GCC2: variants seen among roughly 807,000 people sequenced by gnomAD.
GCC2 encodes the protein GRIP and coiled-coil domain containing 2.
Under a neutral mutation model 210.6 loss-of-function variants are expected in GCC2, and 120 were observed. The ratio of observed to expected loss-of-function variants is 0.57; its 90% CI spans 0.49 to 0.66. The LOEUF (loss-of-function observed/expected upper bound fraction) is 0.66. Ranked by LOEUF, GCC2 falls within the 30% of genes least tolerant of loss-of-function variation. GCC2 has a pLI of 0.00. For synonymous variants in GCC2, 703 were observed against 652.7 expected, an observed-to-expected ratio of 1.08 and a Z score of -1.17; for missense variants, 1,868 against 1,871.9, an observed-to-expected ratio of 1.00 and a Z score of 0.04.
Position 108,470,413 on chromosome 2 carries a change from A to C in GCC2, c.1084A>C (p.Lys362Gln). ...KDEVTYMNNL[K>Q]LKLEMDAQHI... ...TGAGGTAACTTATATGAATAATCTT[A>C]AGTTAAAACTTGAAATGGATGCTCA... The change falls in exon 6 of 23, where the codon AAG becomes CAG. Residue 362 changes from lysine to glutamine, a missense_variant. Lys to Gln is a moderately conservative substitution (Grantham distance 53). This residue lies in a region of GCC2 where 1,847 missense variants were observed against 1,765.2 expected (regional missense o/e 1.05). Transcript: ENST00000309863. 6.2e-7 allele frequency: 1 copy of C among 1,607,706 alleles called. No individual in the cohort carries two copies. Among genetic ancestry groups the C allele is most frequent in the Non-Finnish European group, 8.5e-7 (1 of 1,174,976 alleles).
rs1371374160 is a variant in GCC2 at position 108,449,692 on chromosome 2, G to A, written c.63+3G>A. 4 of 1,611,486 alleles carry A rather than the reference G, an allele frequency of 2.5e-6. No homozygotes were observed. The highest frequency in any genetic ancestry group is 3.4e-6 in the Non-Finnish European group (4 of 1,177,636). ...CCCCTGGGACCGGGAAATCTAAGGT[G>A]AAGAGAATACTTGAATAGCGGGCTT... On this transcript the variant is annotated splice_donor_region_variant and intron_variant, in intron 2 of 22. Coordinates refer to ENST00000309863, the MANE Select transcript of GCC2 (RefSeq NM_181453.4).
At chr2:108,462,958 T>G (rs1680688259) in intron 4 of GCC2, among the ~76,000 whole-genome samples, 1 of 152,176 alleles carries the variant, frequency 6.6e-6, no homozygotes, top group Non-Finnish European at 1.5e-5. Context: ...CATTCTTTCT[T>G]TTGCTTGATC....
intron 17 of GCC2, 83 bp downstream of exon 17, chr2:108,487,903 T>A: frequency 1.6e-5 from 13 of 795,890 alleles, no homozygotes; most frequent in African/African-American, 1.6e-4. Context: ...TATTATGATT[T>A]TTTTTTTTTT....
At chr2:108,492,899 T>A (rs1431775614) in intron 19 of GCC2, 109 bp downstream of exon 19, 1 of 779,822 alleles carries the variant, frequency 1.3e-6, no homozygotes, top group Non-Finnish European at 2.2e-6. Flanking sequence ...GTGTCACCAG[T>A]GTCAAATCTG....
Position 108,507,600 on chromosome 2 carries a change from C to G in GCC2, c.5025C>G (p.Ser1675=). 1.9e-6 allele frequency: 3 copies of G among 1,602,682 alleles called. No homozygotes were observed. The highest frequency in any genetic ancestry group is 2.6e-6 in the Non-Finnish European group (3 of 1,171,772). Residue 1675 remains serine (S), a synonymous_variant, in exon 23 of 23, where the codon TCC becomes TCG. Transcript: ENST00000309863. The part of the protein sequence containing the change: ...ENASRSSGWA[S]YLHSWSGLR ...CTTCCCGTTCTTCTGGATGGGCATCCTATCTTCATAGTTGGTCTGGACTTC... is the reference window on the plus strand; with the variant it reads ...CTTCCCGTTCTTCTGGATGGGCATCGTATCTTCATAGTTGGTCTGGACTTC...
chr2:108,489,038 A>G (rs1365969542), intron 17 of GCC2, among the ~76,000 whole-genome samples: 2 of 152,146 alleles, frequency 1.3e-5, no homozygotes, highest in Non-Finnish European at 2.9e-5. Flanking sequence ...CTACTTTCTT[A>G]TAATATAAAT....
chr2:108,502,386 A>C (rs1051375409), intron 22 of GCC2, among the ~76,000 whole-genome samples: 1 of 152,194 alleles, frequency 6.6e-6, no homozygotes, highest in African/African-American at 2.4e-5. Flanking sequence ...GACTAACCTA[A>C]GGGATACCAA....
rs767174442 is a variant in GCC2 at position 108,489,892 on chromosome 2, A to G, written c.4107A>G (p.Gln1369=). 6.2e-7 allele frequency: 1 copy of G among 1,610,376 alleles called. No homozygotes were observed. Among genetic ancestry groups the G allele is most frequent in the Non-Finnish European group, 8.5e-7 (1 of 1,178,240 alleles). ...DQLKIKLQDS[Q]NNLQINVSEL... is the part of the protein sequence containing the mutation. ...TAAAAATCAAATTACAAGATAGCCA[A>G]AATAACTTACAGATTAATGTATCTG... is the stretch of plus-strand genomic sequence containing the variant. The change falls in exon 18 of 23, where the codon CAA becomes CAG. Residue 1369 remains glutamine, a synonymous_variant. Coordinates refer to ENST00000309863, the MANE Select transcript of GCC2 (RefSeq NM_181453.4).
intron 17 of GCC2, among the ~76,000 whole-genome samples, chr2:108,489,392 G>GT (rs1468412661): frequency 6.6e-6 from 1 of 152,124 alleles, no homozygotes; most frequent in Non-Finnish European, 1.5e-5. Context: ...GTGGGTGCCT[G>GT]TAGTCCTAGC....
At chr2:108,480,362 A>G (rs547651160) in intron 9 of GCC2, among the ~76,000 whole-genome samples, 81 of 152,322 alleles carry the variant, frequency 5.3e-4, no homozygotes, top group African/African-American at 1.9e-3. Flanking sequence ...AAGACCTAAA[A>G]ACAGAAATAC....
intron 4 of GCC2, among the ~76,000 whole-genome samples, chr2:108,465,012 C>G (rs6757135): frequency 0.097 from 14,818 of 152,186 alleles, 924 homozygotes; most frequent in South Asian, 0.19. Flanking sequence ...ATCTTGTGAA[C>G]TCAGAGTGAG....
chr2:108,471,010 A>G lies in GCC2; in HGVS notation c.1681A>G (p.Ile561Val), dbSNP rs371790236. 2.9e-5 allele frequency: 46 copies of G among 1,612,332 alleles called. No homozygotes were observed. The highest frequency in any genetic ancestry group is 9.4e-5 in the African/African-American group (7 of 74,848). The stretch of plus-strand genomic sequence containing the variant: ...ATTGGTACCAGAACTTGAAAATACC[A>G]TAAAGAACCTTCAAGAAAAGAATGG... ...QELVPELENT[I>V]KNLQEKNGVY... Residue 561 changes from isoleucine (I) to valine (V), a missense_variant, in exon 6 of 23, where the codon ATA becomes GTA. This residue lies in a region of GCC2 where 1,847 missense variants were observed against 1,765.2 expected (regional missense o/e 1.05). Coordinates refer to ENST00000309863, the MANE Select transcript of GCC2 (RefSeq NM_181453.4).
chr2:108,459,827 G>T (rs1680470617), intron 4 of GCC2, among the ~76,000 whole-genome samples: 1 of 128,886 alleles, frequency 7.8e-6, no homozygotes, highest in African/African-American at 2.9e-5. Context: ...CTACTCAGGA[G>T]CCTGAGGCAG....
At chr2:108,496,316 G>A (rs1418951919) in intron 20 of GCC2, 1 of 152,524 alleles carries the variant, frequency 6.6e-6, no homozygotes, top group Non-Finnish European at 1.5e-5. Flanking sequence ...CAAAATTTAG[G>A]GGGAATCTGT....
chr2:108,493,623 A>G, intron 19 of GCC2: 1 of 985,428 alleles, frequency 1.0e-6, no homozygotes, highest in Non-Finnish European at 1.2e-6. Context: ...TGCTTCCAGG[A>G]AGACATGGAA....
chr2:108,458,036 T>A (rs1680361101), intron 4 of GCC2, among the ~76,000 whole-genome samples: 1 of 152,212 alleles, frequency 6.6e-6, no homozygotes, highest in Non-Finnish European at 1.5e-5. Context: ...TCCCCATTTT[T>A]GTGTGATGTT....
chr2:108,480,867 A>G (rs1681817603), intron 9 of GCC2, among the ~76,000 whole-genome samples: 1 of 126,100 alleles, frequency 7.9e-6, no homozygotes, highest in Non-Finnish European at 1.8e-5. Flanking sequence ...AAGTTTGCCT[A>G]CATAACAAAC....
intron 3 of GCC2, among the ~76,000 whole-genome samples, chr2:108,451,323 G>C (rs1223912490): frequency 6.6e-6 from 1 of 152,168 alleles, no homozygotes; most frequent in East Asian, 1.9e-4. Context: ...TGACTTTTGA[G>C]TTGTTAAAGT....
chr2:108,462,913 A>G (rs1046527324), intron 4 of GCC2, among the ~76,000 whole-genome samples: 3 of 150,020 alleles, frequency 2.0e-5, no homozygotes, highest in Non-Finnish European at 4.4e-5. Flanking sequence ...TTTTTTGACT[A>G]TATCAGAAAA....
Sources: allele counts gnomAD v4.1 joint callset (sites outside exome capture counted in the v4.1 genomes callset), GRCh38; gene constraint gnomAD v4.1.1; regional missense constraint gnomAD v4.1.1; transcripts MANE v1.5; gene names NCBI Gene and HGNC (gene_info 2026-07-23, HGNC 2026-07-21).